Variants in SCG5 observed in about 807,000 individuals in gnomAD.
SCG5 encodes neuroendocrine protein 7B2.
In SCG5, 18 loss-of-function variants were observed where a neutral mutation model predicts 25.7. That is an observed-to-expected ratio of 0.70 (90% CI 0.48 to 1.04). The LOEUF (loss-of-function observed/expected upper bound fraction) is 1.04, where lower values mean the gene tolerates loss of function less well. Ranked by LOEUF, SCG5 falls within the 50% of genes least tolerant of loss-of-function variation. The pLI is 0.00. For missense variants in SCG5, 206 were observed against 259.8 expected (o/e 0.79, Z 1.42); for synonymous variants, 101 against 91.7 (o/e 1.10, Z -0.58).
intron 2 of SCG5, among the ~76,000 whole-genome samples, chr15:32,673,295 G>A (rs530484540): frequency 5.9e-5 from 9 of 152,284 alleles, no homozygotes; most frequent in East Asian, 1.9e-4. Flanking sequence ...CAGCCACACC[G>A]ATGTCACAAA....
intron 2 of SCG5, chr15:32,677,856 A>G (rs7177176): frequency 0.31 from 47,702 of 152,030 alleles, 8,194 homozygotes; most frequent in East Asian, 0.64. Flanking sequence ...AAATTAACAT[A>G]CATTGGTATG....
chr15:32,674,630 A>G (rs2054499735), intron 2 of SCG5, among the ~76,000 whole-genome samples: 1 of 152,176 alleles, frequency 6.6e-6, no homozygotes, highest in African/African-American at 2.4e-5. Flanking sequence ...GAGTTGTTAG[A>G]GGTTGTCCTT....
At chr15:32,690,643 G>A (rs896032709) in intron 4 of SCG5, among the ~76,000 whole-genome samples, 4 of 152,190 alleles carry the variant, frequency 2.6e-5, no homozygotes, top group African/African-American at 7.2e-5. Flanking sequence ...TAAATTGCAG[G>A]TGGGGTAGAT....
chr15:32,646,943 G>T (rs1207806042), intron 2 of SCG5, among the ~76,000 whole-genome samples: 1 of 152,114 alleles, frequency 6.6e-6, no homozygotes, highest in Non-Finnish European at 1.5e-5. Context: ...AATTGTTACA[G>T]AAAGAATATA....
At position 32,696,587 on chromosome 15, in the gene SCG5, A is replaced by G. The variant is rs1470886492; in HGVS notation, c.617A>G (p.Asp206Gly). 2 of 1,612,456 alleles carry G rather than the reference A, an allele frequency of 1.2e-6. No homozygotes were observed. Among genetic ancestry groups the G allele is most frequent in the Admixed American group, 3.3e-5 (2 of 59,968 alleles). The change falls in exon 6 of 6, where the codon GAT becomes GGT. Residue 206 changes from aspartate (D) to glycine (G), a missense_variant. By Grantham distance (94) the Asp-to-Gly change is moderately conservative. Coordinates refer to ENST00000300175, the MANE Select transcript of SCG5 (RefSeq NM_001144757.3). The stretch of plus-strand genomic sequence containing the variant: ...AAGAAGTCTGTCCCCCATTTTTCAG[A>G]TGAGGATAAGGATCCAGAGTAAAGA... ...VAKKSVPHFS[D>G]EDKDPE is the part of the protein sequence containing the mutation.
chr15:32,672,705 G>C (rs551382766), intron 2 of SCG5, among the ~76,000 whole-genome samples: 1 of 151,334 alleles, frequency 6.6e-6, no homozygotes, highest in South Asian at 2.1e-4. Context: ...AAGGCCTCGT[G>C]GGGGCTCTCT....
Position 32,643,742 on chromosome 15 carries a change from A to G in SCG5, c.150A>G (p.Gln50=). The change falls in exon 2 of 6, where the codon CAA becomes CAG. Residue 50 remains glutamine (Q), a synonymous_variant. Coordinates refer to ENST00000300175, the MANE Select transcript of SCG5 (RefSeq NM_001144757.3). ...GGCTGCTTCATGGTGTTATGGAGCAATTGGGCATTGCCAGGCCCCGAGTGG... is the reference window on the plus strand; with the variant it reads ...GGCTGCTTCATGGTGTTATGGAGCAGTTGGGCATTGCCAGGCCCCGAGTGG... ...IQRLLHGVME[Q]LGIARPRVEY... 6 of 1,613,960 alleles carry G rather than the reference A, an allele frequency of 3.7e-6. No individual in the cohort carries two copies. The highest frequency in any genetic ancestry group is 1.1e-5 in the South Asian group (1 of 91,078).
At chr15:32,647,678 G>A (rs979135923) in intron 2 of SCG5, among the ~76,000 whole-genome samples, 6 of 152,044 alleles carry the variant, frequency 3.9e-5, no homozygotes, top group African/African-American at 7.2e-5. Flanking sequence ...TGTTCTCACC[G>A]CTCATTCATT....
intron 2 of SCG5, among the ~76,000 whole-genome samples, chr15:32,672,109 A>AT (rs2054436661): frequency 6.6e-6 from 1 of 152,232 alleles, no homozygotes; most frequent in East Asian, 1.9e-4. Context: ...ACCGCAGTGT[A>AT]TTTTTAGCAT....
chr15:32,672,427 T>C (rs987371931), intron 2 of SCG5, among the ~76,000 whole-genome samples: 1 of 152,226 alleles, frequency 6.6e-6, no homozygotes, highest in African/African-American at 2.4e-5. Flanking sequence ...GCAGGGGTTG[T>C]CCGGATGTTC....
chr15:32,696,710 C>T lies in SCG5; in HGVS notation c.*101C>T. ...CCTGTGAATGACAGCATGTTTCTTA[C>T]ATAGATAATTATGGATACAAAGCAG... is the stretch of plus-strand genomic sequence containing the variant. On this transcript the variant is annotated 3_prime_UTR_variant, in exon 6 of 6. Transcript: ENST00000300175. The T allele has an allele frequency of 2.8e-6, 2 of 713,962 alleles. No homozygotes were observed. The highest frequency in any genetic ancestry group is 5.0e-6 in the Non-Finnish European group (2 of 398,914). 44.2% of individuals were successfully genotyped at this position (713,962 alleles called of 1,614,324 possible).
intron 5 of SCG5, among the ~76,000 whole-genome samples, chr15:32,693,320 C>T (rs2054895493): frequency 6.6e-6 from 1 of 152,220 alleles, no homozygotes; most frequent in African/African-American, 2.4e-5. Context: ...GGCTAAGACA[C>T]ATGCTATAAA....
At chr15:32,654,710 C>CTA (rs143259398) in intron 2 of SCG5, among the ~76,000 whole-genome samples, 10,090 of 152,224 alleles carry the variant, frequency 0.066, 633 homozygotes, top group African/African-American at 0.17. Flanking sequence ...CCTCACTAGA[C>CTA]TGAGATTTGC....
chr15:32,647,621 A>G (rs1243253964), intron 2 of SCG5, among the ~76,000 whole-genome samples: 5 of 152,080 alleles, frequency 3.3e-5, no homozygotes, highest in Non-Finnish European at 5.9e-5. Flanking sequence ...TCACATGCCA[A>G]TTGTACTTCT....
intron 2 of SCG5, among the ~76,000 whole-genome samples, chr15:32,651,013 C>T (rs2054023553): frequency 6.6e-6 from 1 of 152,136 alleles, no homozygotes; most frequent in Non-Finnish European, 1.5e-5. Flanking sequence ...GCCTGGCTAA[C>T]ATGGTGAAAC....
intron 1 of SCG5, among the ~76,000 whole-genome samples, chr15:32,642,260 G>T (rs1173603025): frequency 2.0e-5 from 3 of 152,044 alleles, no homozygotes; most frequent in South Asian, 4.2e-4. Context: ...CTCAGTAGAA[G>T]AATGATTAGA....
At chr15:32,663,245 T>G (rs1215883284) in intron 2 of SCG5, among the ~76,000 whole-genome samples, 3 of 151,634 alleles carry the variant, frequency 2.0e-5, no homozygotes, top group Non-Finnish European at 4.4e-5. Context: ...TAGTATCAAT[T>G]TTAGATTTTT....
intron 2 of SCG5, among the ~76,000 whole-genome samples, chr15:32,663,208 G>A (rs902523066): frequency 3.3e-5 from 5 of 151,154 alleles, no homozygotes; most frequent in African/African-American, 1.2e-4. Flanking sequence ...AGTATACAAT[G>A]TAATGGTTTT....
At chr15:32,679,949 T>C (rs368863940) in intron 3 of SCG5, 34 bp downstream of exon 3, 2 of 1,558,178 alleles carry the variant, frequency 1.3e-6, no homozygotes, top group African/African-American at 2.8e-5. Flanking sequence ...CCATGAAAAG[T>C]TGGGGCTTTG....
Sources: allele counts gnomAD v4.1 joint callset (sites outside exome capture counted in the v4.1 genomes callset), GRCh38; gene constraint gnomAD v4.1.1; transcripts MANE v1.5; gene names NCBI Gene and HGNC (gene_info 2026-07-23, HGNC 2026-07-21).